Variants in RBFOX3 observed in about 807,000 individuals in gnomAD.
The protein encoded by RBFOX3 is RNA binding protein fox-1 homolog 3.
Under a neutral mutation model 48.7 loss-of-function variants are expected in RBFOX3, and 17 were observed. The observed-to-expected ratio is 0.35, with a 90% CI of 0.24 to 0.52. The LOEUF (loss-of-function observed/expected upper bound fraction) is 0.52. RBFOX3 is among the 20% of genes least tolerant of loss of function. RBFOX3 has a pLI of 0.94. For missense variants in RBFOX3, 382 were observed against 497.5 expected (o/e 0.77, Z 2.21); for synonymous variants, 212 against 209.5 (o/e 1.01, Z -0.10).
intron 1 of RBFOX3, among the ~76,000 whole-genome samples, chr17:79,567,186 T>C (rs1255711510): frequency 5.6e-5 from 8 of 141,756 alleles, no homozygotes; most frequent in African/African-American, 1.8e-4. Flanking sequence ...CTTTCTTTTT[T>C]TTTTTTTTTT....
the RBFOX3 span, among the ~76,000 whole-genome samples, chr17:79,631,960 A>G: frequency 1.3e-5 from 2 of 152,326 alleles, no homozygotes; most frequent in South Asian, 2.1e-4. Context: ...CACGGACAGC[A>G]GAGCTCCGTG....
At chr17:79,177,388 T>C (rs1270659156) in intron 4 of RBFOX3, among the ~76,000 whole-genome samples, 1 of 152,230 alleles carries the variant, frequency 6.6e-6, no homozygotes, top group Admixed American at 6.5e-5. Context: ...GCGTCTGCCC[T>C]GCAGGTCTAG....
intron 2 of RBFOX3, among the ~76,000 whole-genome samples, chr17:79,384,763 G>A (rs939715151): frequency 2.0e-5 from 3 of 152,220 alleles, no homozygotes; most frequent in African/African-American, 7.2e-5. Flanking sequence ...CGTGGAGGAG[G>A]AGCTGCTGGC....
intron 3 of RBFOX3, among the ~76,000 whole-genome samples, chr17:79,289,646 C>CT (rs1325535382): frequency 2.6e-5 from 4 of 152,244 alleles, no homozygotes; most frequent in African/African-American, 9.6e-5. Flanking sequence ...CCCTTTGGGG[C>CT]TTTCCCCCTT....
chr17:79,133,668 T>C (rs2039499404), intron 4 of RBFOX3, among the ~76,000 whole-genome samples: 1 of 152,232 alleles, frequency 6.6e-6, no homozygotes, highest in Non-Finnish European at 1.5e-5. Context: ...TGTGAATTTA[T>C]ATAAGCAGGT....
the RBFOX3 span, among the ~76,000 whole-genome samples, chr17:79,645,234 C>G: frequency 2.0e-5 from 3 of 152,142 alleles, no homozygotes; most frequent in South Asian, 6.2e-4. Context: ...GTTCATGTCC[C>G]TCCTCTGCTC....
chr17:79,159,073 G>A (rs1177493280), intron 4 of RBFOX3, among the ~76,000 whole-genome samples: 5 of 152,248 alleles, frequency 3.3e-5, no homozygotes, highest in African/African-American at 1.2e-4. Context: ...CCAAGGTGAT[G>A]CAGCTACCGA....
At chr17:79,579,258 G>A (rs1259220419) in intron 1 of RBFOX3, among the ~76,000 whole-genome samples, 4 of 152,260 alleles carry the variant, frequency 2.6e-5, no homozygotes, top group Non-Finnish European at 2.9e-5. Flanking sequence ...TGCATGCTGC[G>A]GTTGACACGG....
intron 3 of RBFOX3, among the ~76,000 whole-genome samples, chr17:79,255,692 G>C (rs1401179118): frequency 6.6e-6 from 1 of 151,992 alleles, no homozygotes. Flanking sequence ...AGCAGCACTG[G>C]GCCTGGCCTC....
chr17:79,464,650 C>A (rs569731046), intron 2 of RBFOX3, among the ~76,000 whole-genome samples: 4 of 152,156 alleles, frequency 2.6e-5, no homozygotes, highest in Middle Eastern at 3.4e-3. Context: ...CTTAAGAAGC[C>A]AAAAAGGAAA....
chr17:79,587,062 A>C (rs2093271830), intron 1 of RBFOX3, among the ~76,000 whole-genome samples: 1 of 152,184 alleles, frequency 6.6e-6, no homozygotes, highest in Admixed American at 6.5e-5. Flanking sequence ...CTGGAAATTG[A>C]CTCAATAACT....
intron 1 of RBFOX3, among the ~76,000 whole-genome samples, chr17:79,490,553 A>G (rs1555771938): frequency 1.3e-5 from 2 of 152,134 alleles, no homozygotes; most frequent in African/African-American, 4.8e-5. Context: ...CAGCCTGGCT[A>G]TGGCTGGCTT....
intron 4 of RBFOX3, among the ~76,000 whole-genome samples, chr17:79,176,853 GC>G: frequency 6.6e-6 from 1 of 152,320 alleles, no homozygotes; most frequent in South Asian, 2.1e-4. Flanking sequence ...AATTCTAGGG[GC>G]CACAGCTGAT....
chr17:79,126,237 C>A (rs2037232330), intron 4 of RBFOX3, among the ~76,000 whole-genome samples: 1 of 152,220 alleles, frequency 6.6e-6, no homozygotes, highest in African/African-American at 2.4e-5. Flanking sequence ...AGGCTGTCAG[C>A]CCCACATATC....
chr17:79,326,238 T>C (rs2079303790), intron 2 of RBFOX3, among the ~76,000 whole-genome samples: 2 of 152,148 alleles, frequency 1.3e-5, no homozygotes, highest in Admixed American at 1.3e-4. Context: ...CAGCACTTCC[T>C]AGCGTCTCCC....
At position 79,505,046 on chromosome 17, in the gene RBFOX3, G is replaced by T. The variant is rs1006536358; in HGVS notation, c.-319-22448C>A. 5.9e-3 allele frequency among the ~76,000 whole-genome samples: 905 copies of T among 152,270 alleles called. 2 individuals are homozygous for T. The highest frequency in any genetic ancestry group is 9.9e-3 in the Non-Finnish European group (672 of 68,012). On this transcript the variant is annotated intron_variant, in intron 1 of 14. Transcript: ENST00000693108. ...AGGTAAAGCACCCACTGGCCGGCCA[G>T]CTGCTCTGAGCATCCCCAAAGCTCA...
rs559103743 is a variant in RBFOX3, at chr17:79,170,436, T to C, written c.-33-54688A>G. On this transcript the variant is annotated intron_variant, in intron 4 of 14. Coordinates refer to ENST00000693108, the MANE Select transcript of RBFOX3 (RefSeq NM_001350451.2). ...GGCTCCAGGGCCAGGGGAGGGAAGG[T>C]GTTTTCTCCATCAGGGAGCCACGGC... is the stretch of plus-strand genomic sequence containing the variant. Among the ~76,000 whole-genome samples the C allele has an allele frequency of 1.3e-5, 2 of 151,734 alleles. 1 individual carries two copies. The highest frequency in any genetic ancestry group is 4.8e-5 in the African/African-American group (2 of 41,368).
At chr17:79,641,319 C>A in the RBFOX3 span, among the ~76,000 whole-genome samples, 2 of 151,946 alleles carry the variant, frequency 1.3e-5, no homozygotes, top group Non-Finnish European at 2.9e-5. Flanking sequence ...GGCAAGGATG[C>A]GAAGAAAAGG....
chr17:79,611,947 AG>A (rs2093972836), upstream of RBFOX3, among the ~76,000 whole-genome samples: 1 of 152,160 alleles, frequency 6.6e-6, no homozygotes, highest in Admixed American at 6.5e-5. Flanking sequence ...AGCCTCCCCC[AG>A]CATCTAGAGT....
Sources: allele counts gnomAD v4.1 joint callset (sites outside exome capture counted in the v4.1 genomes callset), GRCh38; gene constraint gnomAD v4.1.1; transcripts MANE v1.5; gene names NCBI Gene and HGNC (gene_info 2026-07-23, HGNC 2026-07-21).